DPP10: variants seen among roughly 807,000 people sequenced by gnomAD.
The protein encoded by DPP10 is dipeptidyl peptidase like 10, also known as inactive dipeptidyl peptidase 10.
DPP10 carries 33 observed loss-of-function variants against 120.9 expected under a neutral mutation model. The ratio of observed to expected loss-of-function variants is 0.27; its 90% CI spans 0.21 to 0.37. DPP10 has a LOEUF of 0.37. DPP10 is among the 10% of genes least tolerant of loss of function. The probability of loss-of-function intolerance (pLI) is 1.00; values close to 1 mark genes in which losing one functional copy is unlikely to be tolerated. For synonymous variants in DPP10, 337 were observed against 326.1 expected, an observed-to-expected ratio of 1.03 and a Z score of -0.36; for missense variants, 816 against 942.8, an observed-to-expected ratio of 0.87 and a Z score of 1.76.
chr2:114,934,656 G>A (rs544498354), intron 1 of DPP10, among the ~76,000 whole-genome samples: 10 of 151,728 alleles, frequency 6.6e-5, no homozygotes, highest in South Asian at 6.3e-4. Flanking sequence ...GTATTAATTC[G>A]GTTTAGACTA....
At chr2:115,511,788 T>C (rs6756637) in intron 4 of DPP10, among the ~76,000 whole-genome samples, 28,987 of 144,282 alleles carry the variant, frequency 0.2, 3,423 homozygotes, top group East Asian at 0.38. Flanking sequence ...AGTGTAGTGG[T>C]ACAATCATAT....
At chr2:115,815,511 T>C (rs1687127470) in intron 20 of DPP10, among the ~76,000 whole-genome samples, 164 bp from the exon 21 acceptor site, 1 of 152,168 alleles carries the variant, frequency 6.6e-6, no homozygotes, top group Non-Finnish European at 1.5e-5. Context: ...TCACTTTGAG[T>C]AGCAAGATTT....
intron 1 of DPP10, among the ~76,000 whole-genome samples, chr2:114,570,607 C>T (rs757767163): frequency 2.0e-5 from 3 of 151,382 alleles, no homozygotes; most frequent in African/African-American, 4.9e-5. Flanking sequence ...AGGTGGATCA[C>T]GAGGTCAGGA....
chr2:115,581,012 G>C (rs997524766), intron 5 of DPP10, among the ~76,000 whole-genome samples: 10 of 152,120 alleles, frequency 6.6e-5, no homozygotes, highest in African/African-American at 2.4e-4. Context: ...GACAAGTTTC[G>C]GGAAAGTGTC....
At chr2:115,455,412 A>G (rs889016830) in intron 3 of DPP10, among the ~76,000 whole-genome samples, 11 of 152,074 alleles carry the variant, frequency 7.2e-5, no homozygotes, top group African/African-American at 2.2e-4. Context: ...TATAGATTCA[A>G]TCCTACCCCA....
intron 1 of DPP10, among the ~76,000 whole-genome samples, chr2:114,778,529 C>T (rs956392348): frequency 3.9e-5 from 6 of 151,950 alleles, no homozygotes; most frequent in Non-Finnish European, 5.9e-5. Flanking sequence ...CTCTTTTTCA[C>T]GCAATTATTT....
At chr2:115,271,094 A>G (rs1012765899) in intron 1 of DPP10, among the ~76,000 whole-genome samples, 1 of 152,198 alleles carries the variant, frequency 6.6e-6, no homozygotes, top group Non-Finnish European at 1.5e-5. Context: ...TTGTTTTTGC[A>G]GCTTAAAGGG....
chr2:114,529,130 G>A (rs1203085203), intron 1 of DPP10, among the ~76,000 whole-genome samples: 1 of 152,022 alleles, frequency 6.6e-6, no homozygotes, highest in Non-Finnish European at 1.5e-5. Flanking sequence ...TACCTGCCAG[G>A]CTTTGGTAAA....
intron 3 of DPP10, among the ~76,000 whole-genome samples, chr2:115,396,197 A>T (rs1329122108): frequency 1.3e-5 from 2 of 152,182 alleles, no homozygotes; most frequent in Non-Finnish European, 2.9e-5. Flanking sequence ...GTGGATGATT[A>T]TCTAGGTGTC....
chr2:114,594,410 A>G (rs944048666), intron 1 of DPP10, among the ~76,000 whole-genome samples: 4 of 148,986 alleles, frequency 2.7e-5, no homozygotes, highest in African/African-American at 9.8e-5. Context: ...CCTTTTACAT[A>G]TATGTGAATA....
At chr2:114,699,104 A>C (rs547531388) in intron 1 of DPP10, among the ~76,000 whole-genome samples, 2 of 152,136 alleles carry the variant, frequency 1.3e-5, no homozygotes, top group South Asian at 4.1e-4. Context: ...TGCTCTAGGC[A>C]GGAGGACATG....
At chr2:114,813,259 T>G (rs750633356) in intron 1 of DPP10, among the ~76,000 whole-genome samples, 2 of 152,140 alleles carry the variant, frequency 1.3e-5, no homozygotes, top group Non-Finnish European at 2.9e-5. Context: ...TAAAAACATA[T>G]ATAGGAAGGA....
intron 3 of DPP10, among the ~76,000 whole-genome samples, chr2:115,499,205 C>A (rs945770129): frequency 6.6e-6 from 1 of 152,052 alleles, no homozygotes; most frequent in South Asian, 2.1e-4. Context: ...CTTCTCTTTG[C>A]CCATTTTTTC....
At chr2:114,857,874 T>A (rs991248843) in intron 1 of DPP10, among the ~76,000 whole-genome samples, 1 of 152,200 alleles carries the variant, frequency 6.6e-6, no homozygotes, top group Admixed American at 6.5e-5. Flanking sequence ...CCACCCTAGG[T>A]TGATAGCACA....
intron 5 of DPP10, among the ~76,000 whole-genome samples, chr2:115,652,409 A>ATGTGTG (rs71394158): frequency 2.3e-4 from 33 of 145,488 alleles, no homozygotes; most frequent in Admixed American, 3.4e-4. Flanking sequence ...TAGGATATAT[A>ATGTGTG]TGTGTGTGTG....
intron 1 of DPP10, among the ~76,000 whole-genome samples, chr2:114,772,712 A>G (rs181120585): frequency 6.6e-6 from 1 of 151,728 alleles, no homozygotes; most frequent in African/African-American, 2.4e-5. Flanking sequence ...ATCTCAGTTT[A>G]AGAAGTAGGG....
chr2:114,984,491 G>A (rs1056468120), intron 1 of DPP10, among the ~76,000 whole-genome samples: 53 of 152,174 alleles, frequency 3.5e-4, no homozygotes, highest in African/African-American at 1.2e-3. Flanking sequence ...AATCCTGCAG[G>A]CATGTTAAGA....
chr2:115,666,507 G>A (rs1036696470), intron 5 of DPP10, among the ~76,000 whole-genome samples: 3 of 152,136 alleles, frequency 2.0e-5, no homozygotes, highest in African/African-American at 7.2e-5. Flanking sequence ...TTCAAGATGA[G>A]AAGTGGGTGG....
At chr2:114,983,996 T>C (rs1167532737) in intron 1 of DPP10, among the ~76,000 whole-genome samples, 1 of 152,154 alleles carries the variant, frequency 6.6e-6, no homozygotes, top group East Asian at 1.9e-4. Flanking sequence ...TGTTGGATGA[T>C]TGAAATGGTA....
Sources: gnomAD v4.1 joint callset for allele counts (sites outside exome capture counted in the v4.1 genomes callset) on GRCh38, gnomAD v4.1.1 for gene constraint, MANE v1.5 for transcripts, NCBI Gene and HGNC (gene_info 2026-07-23, HGNC 2026-07-21) for gene names.